Variants in TFEC observed in about 807,000 individuals in gnomAD.
The protein encoded by TFEC is class E basic helix-loop-helix protein 34.
In TFEC, 31 loss-of-function variants were observed where a neutral mutation model predicts 41.6. The observed-to-expected ratio is 0.74, with a 90% CI of 0.56 to 1.01. The LOEUF (loss-of-function observed/expected upper bound fraction) is 1.01. Ranked by LOEUF, TFEC falls within the 50% of genes least tolerant of loss-of-function variation. The probability of loss-of-function intolerance (pLI) is 0.00; values close to 1 mark genes in which losing one functional copy is unlikely to be tolerated. For missense variants in TFEC, 402 were observed against 404.1 expected (o/e 0.99, Z 0.04); for synonymous variants, 143 against 140.6 (o/e 1.02, Z -0.12).
At chr7:116,053,643 C>A (rs954266880) in intron 3 of TFEC, among the ~76,000 whole-genome samples, 2 of 152,114 alleles carry the variant, frequency 1.3e-5, no homozygotes, top group Admixed American at 6.5e-5. Flanking sequence ...GAACAGGCAG[C>A]TTTTTAAGAA....
At chr7:115,947,402 C>A (rs1013947621) in intron 6 of TFEC, among the ~76,000 whole-genome samples, 5 of 151,020 alleles carry the variant, frequency 3.3e-5, no homozygotes, top group African/African-American at 9.7e-5. Flanking sequence ...GTCTTTATAG[C>A]AGCATGATTT....
intron 2 of TFEC, among the ~76,000 whole-genome samples, chr7:115,979,501 G>T (rs1793529863): frequency 6.6e-6 from 1 of 151,978 alleles, no homozygotes; most frequent in African/African-American, 2.4e-5. Flanking sequence ...GATTATATAG[G>T]ATGTGCAGTT....
chr7:115,957,299 T>A (rs1419532545), intron 3 of TFEC, among the ~76,000 whole-genome samples: 1 of 151,838 alleles, frequency 6.6e-6, no homozygotes, highest in Non-Finnish European at 1.5e-5. Flanking sequence ...AATGAGAAAC[T>A]CTTCCCTTCC....
intron 6 of TFEC, among the ~76,000 whole-genome samples, chr7:115,949,103 C>T (rs1200683031): frequency 3.3e-5 from 5 of 152,102 alleles, no homozygotes; most frequent in Non-Finnish European, 5.9e-5. Context: ...TTCATAATTG[C>T]TTCAAAGAGA....
intron 3 of TFEC, among the ~76,000 whole-genome samples, chr7:116,077,616 AGAGTAGTTATT>A (rs1419293514): frequency 6.6e-6 from 1 of 152,090 alleles, no homozygotes; most frequent in Non-Finnish European, 1.5e-5. Flanking sequence ...AATGCAAGCA[AGAGTAGTTATT>A]CTTATATCAG....
intron 1 of TFEC, among the ~76,000 whole-genome samples, chr7:116,007,007 G>T (rs1224272964): frequency 6.6e-6 from 1 of 152,180 alleles, no homozygotes; most frequent in Non-Finnish European, 1.5e-5. Context: ...ATGCGGAACT[G>T]TAAGTCGATT....
At chr7:115,964,223 G>A (rs888170654) in intron 3 of TFEC, among the ~76,000 whole-genome samples, 12 of 151,464 alleles carry the variant, frequency 7.9e-5, no homozygotes, top group Non-Finnish European at 1.5e-4. Context: ...AGTGGTAATC[G>A]TATTATGATT....
At chr7:116,110,008 T>C (rs1797815216) in intron 3 of TFEC, among the ~76,000 whole-genome samples, 1 of 152,018 alleles carries the variant, frequency 6.6e-6, no homozygotes, top group Admixed American at 6.6e-5. Flanking sequence ...TTCTCACTCA[T>C]AGGTGGGAAC....
intron 3 of TFEC, among the ~76,000 whole-genome samples, chr7:116,064,192 A>C (rs1796638694): frequency 6.6e-6 from 1 of 152,108 alleles, no homozygotes; most frequent in Non-Finnish European, 1.5e-5. Flanking sequence ...ATCAGAATGT[A>C]CTATATTGTT....
chr7:115,963,026 G>GGT (rs1378408610), intron 3 of TFEC, among the ~76,000 whole-genome samples: 1 of 142,038 alleles, frequency 7.0e-6, no homozygotes, highest in Non-Finnish European at 1.5e-5. Context: ...GACCAGCCCC[G>GGT]GTGTTTGATA....
chr7:116,067,825 C>G (rs879506926), intron 3 of TFEC, among the ~76,000 whole-genome samples: 1 of 151,896 alleles, frequency 6.6e-6, no homozygotes, highest in African/African-American at 2.4e-5. Flanking sequence ...TGGCCATTAA[C>G]CTGCAGCATT....
At chr7:115,996,026 A>G (rs562459210) in intron 1 of TFEC, among the ~76,000 whole-genome samples, 12 of 152,312 alleles carry the variant, frequency 7.9e-5, no homozygotes, top group African/African-American at 2.6e-4. Flanking sequence ...TGCAATTCCC[A>G]AGCAAGTCTT....
chr7:116,025,280 G>T (rs1795544680), intron 1 of TFEC, among the ~76,000 whole-genome samples: 1 of 152,104 alleles, frequency 6.6e-6, no homozygotes, highest in Admixed American at 6.6e-5. Context: ...AGGAAAACAA[G>T]ACCAGATGTA....
At chr7:115,945,673 C>T (rs1791493864) in intron 6 of TFEC, among the ~76,000 whole-genome samples, 1 of 151,694 alleles carries the variant, frequency 6.6e-6, no homozygotes, top group African/African-American at 2.4e-5. Flanking sequence ...TGCCTACATA[C>T]AACACAATAG....
At chr7:116,152,560 T>C (rs1398108508) in intron 1 of TFEC, among the ~76,000 whole-genome samples, 1 of 152,118 alleles carries the variant, frequency 6.6e-6, no homozygotes, top group Non-Finnish European at 1.5e-5. Context: ...GAAGGAACAA[T>C]TTCCAGAAAT....
chr7:115,988,410 A>G (rs1447293767), intron 1 of TFEC, among the ~76,000 whole-genome samples: 1 of 152,120 alleles, frequency 6.6e-6, no homozygotes, highest in Non-Finnish European at 1.5e-5. Flanking sequence ...AATCAAAAAC[A>G]CTGTAGAGAA....
chr7:116,026,917 A>G (rs1223837894), intron 1 of TFEC, among the ~76,000 whole-genome samples: 1 of 152,208 alleles, frequency 6.6e-6, no homozygotes, highest in Non-Finnish European at 1.5e-5. Context: ...GGGGAGAAAC[A>G]CTAGAGAGTA....
chr7:116,041,776 A>C (rs368979989), intron 3 of TFEC, among the ~76,000 whole-genome samples: 2 of 152,194 alleles, frequency 1.3e-5, no homozygotes, highest in East Asian at 3.9e-4. Flanking sequence ...TTCCTGTTTC[A>C]GACACAGGTC....
chr7:116,025,697 C>T (rs1795560186), intron 1 of TFEC, among the ~76,000 whole-genome samples: 1 of 152,182 alleles, frequency 6.6e-6, no homozygotes. Context: ...TCTATCAAAC[C>T]AAGCAACCAT....
Sources: allele counts gnomAD v4.1 joint callset (sites outside exome capture counted in the v4.1 genomes callset), GRCh38; gene constraint gnomAD v4.1.1; transcripts MANE v1.5; gene names NCBI Gene and HGNC (gene_info 2026-07-23, HGNC 2026-07-21).